Variants in ATP13A5 observed in about 807,000 individuals in gnomAD.
The protein encoded by ATP13A5 is probable cation-transporting ATPase 13A5.
ATP13A5 carries 149 observed loss-of-function variants against 150.2 expected under a neutral mutation model. The observed-to-expected ratio is 0.99, with a 90% CI of 0.87 to 1.14. ATP13A5 has a LOEUF of 1.14. ATP13A5 is among the 50% of genes most tolerant of loss of function. The probability of loss-of-function intolerance (pLI) is 0.00; values close to 1 mark genes in which losing one functional copy is unlikely to be tolerated. For missense variants in ATP13A5, 1,383 were observed against 1,449.3 expected (o/e 0.95, Z 0.74); for synonymous variants, 497 against 522.2 (o/e 0.95, Z 0.66).
intron 23 of ATP13A5, 93 bp downstream of exon 23, chr3:193,305,466 C>A: frequency 1.0e-6 from 1 of 1,000,766 alleles, no homozygotes. Flanking sequence ...TCTGTTGCAG[C>A]ATTTATCACT....
chr3:193,275,839 T>C (rs1717172741), intron 29 of ATP13A5, among the ~76,000 whole-genome samples: 1 of 152,340 alleles, frequency 6.6e-6, no homozygotes, highest in Middle Eastern at 3.4e-3. Flanking sequence ...CTAAACTTTC[T>C]GTGGTAAACA....
chr3:193,373,662 C>A lies in ATP13A5; in HGVS notation c.63+5001G>T, dbSNP rs889065150. Among the ~76,000 whole-genome samples, 33 of 152,110 alleles carry A rather than the reference C, an allele frequency of 2.2e-4. 1 individual carries two copies. ...AATGAACCACTTATTTTTCATAGCC[C>A]TTTCCATATCTCGCATGTGGCCCTC... On this transcript the variant is annotated intron_variant, in intron 1 of 29. Transcript: ENST00000342358.
chr3:193,315,927 C>T (rs1290786662), intron 17 of ATP13A5, among the ~76,000 whole-genome samples: 1 of 151,924 alleles, frequency 6.6e-6, no homozygotes, highest in Admixed American at 6.6e-5. Flanking sequence ...ATAACTGAAA[C>T]TTTATATCCA....
intron 1 of ATP13A5, among the ~76,000 whole-genome samples, chr3:193,369,618 A>G (rs34494092): frequency 0.96 from 146,198 of 152,114 alleles, 70,283 homozygotes; most frequent in African/African-American, 0.98. Flanking sequence ...AGAGCCAGGA[A>G]CATGTTTGTA....
chr3:193,366,421 CAGT>C (rs1406188876), intron 1 of ATP13A5, among the ~76,000 whole-genome samples: 1 of 151,816 alleles, frequency 6.6e-6, no homozygotes, highest in Non-Finnish European at 1.5e-5. Context: ...ACTGGGCAAA[CAGT>C]GGAAGAAAGC....
At position 193,321,648 on chromosome 3, in the gene ATP13A5, A is replaced by G. The variant is rs1162112803; in HGVS notation, c.1915+33T>C. The G allele has an allele frequency of 2.5e-6, 4 of 1,608,862 alleles. No homozygotes were observed. In the African/African-American group the frequency reaches 5.4e-5, roughly 22 times the overall value. The stretch of plus-strand genomic sequence containing the variant: ...TCTGTCTCAAAGAAAAAACAAAAGT[A>G]TTTTACTTCTTGAAAGAGAAAAGTG... On this transcript the variant is annotated intron_variant, in intron 16 of 29. Coordinates refer to ENST00000342358, the MANE Select transcript of ATP13A5 (RefSeq NM_198505.4).
At chr3:193,299,936 C>T (rs944775937) in intron 24 of ATP13A5, among the ~76,000 whole-genome samples, 7 of 152,142 alleles carry the variant, frequency 4.6e-5, no homozygotes, top group Admixed American at 4.6e-4. Flanking sequence ...GAAAGTATTG[C>T]TGGCTTCTCA....
intron 7 of ATP13A5, among the ~76,000 whole-genome samples, chr3:193,348,669 T>C (rs1712446489): frequency 6.6e-6 from 1 of 152,168 alleles, no homozygotes; most frequent in Non-Finnish European, 1.5e-5. Context: ...ACACTTACTC[T>C]CTTACAATTT....
intron 16 of ATP13A5, among the ~76,000 whole-genome samples, chr3:193,320,352 G>T (rs142868098): frequency 7.8e-4 from 119 of 152,272 alleles, no homozygotes; most frequent in African/African-American, 2.8e-3. Context: ...CTAAAAATGG[G>T]GTACGGTGGT....
At chr3:193,288,184 G>C (rs1717796111) in intron 26 of ATP13A5, among the ~76,000 whole-genome samples, 1 of 152,138 alleles carries the variant, frequency 6.6e-6, no homozygotes, top group East Asian at 1.9e-4. Flanking sequence ...TTGTTGAAAT[G>C]AAAACAAAGT....
chr3:193,313,094 G>A (rs1160428758), intron 19 of ATP13A5: 1 of 152,210 alleles, frequency 6.6e-6, no homozygotes, highest in Non-Finnish European at 1.5e-5. Context: ...GTGAAATTCA[G>A]GCAGCATGCA....
chr3:193,280,795 T>C lies in ATP13A5; in HGVS notation c.3227-1341A>G, dbSNP rs763658058. Among the ~76,000 whole-genome samples the C allele has an allele frequency of 8.7e-4, 133 of 152,182 alleles. 1 individual carries two copies. The highest frequency in any genetic ancestry group is 1.6e-4 in the Non-Finnish European group (11 of 68,032). On this transcript the variant is annotated intron_variant, in intron 27 of 29. Transcript: ENST00000342358. The stretch of plus-strand genomic sequence containing the variant: ...ATCAGCATTGCCATGATACAAATGA[T>C]TCTGACAATCCTATAAAGTTATAAA...
At chr3:193,358,291 A>T (rs1422233898) in intron 5 of ATP13A5, among the ~76,000 whole-genome samples, 2 of 152,168 alleles carry the variant, frequency 1.3e-5, no homozygotes, top group Non-Finnish European at 2.9e-5. Context: ...GAAAGTTCCC[A>T]TGTGATTCTG....
chr3:193,285,544 G>A (rs1367349179), intron 26 of ATP13A5, among the ~76,000 whole-genome samples: 1 of 152,096 alleles, frequency 6.6e-6, no homozygotes, highest in African/African-American at 2.4e-5. Context: ...GAACATGACA[G>A]TCTGCTGCTT....
chr3:193,348,106 G>A (rs964612949), intron 7 of ATP13A5, among the ~76,000 whole-genome samples: 10 of 152,078 alleles, frequency 6.6e-5, no homozygotes, highest in South Asian at 2.1e-4. Context: ...GAGTTAATGC[G>A]CTCAGAAAAT....
chr3:193,333,726 A>G, intron 11 of ATP13A5, 24 bp downstream of exon 11: 1 of 1,605,682 alleles, frequency 6.2e-7, no homozygotes, highest in Non-Finnish European at 8.5e-7. Context: ...TATACTATTG[A>G]AAAGCCTTAC....
intron 24 of ATP13A5, among the ~76,000 whole-genome samples, chr3:193,300,493 C>T (rs1165892484): frequency 6.6e-6 from 1 of 152,116 alleles, no homozygotes; most frequent in East Asian, 1.9e-4. Flanking sequence ...ATGGTATAAT[C>T]TTGTGGCCCT....
chr3:193,354,082 G>A (rs1483462575), intron 6 of ATP13A5, 45 bp downstream of exon 6: 1 of 1,498,072 alleles, frequency 6.7e-7, no homozygotes, highest in Non-Finnish European at 9.1e-7. Flanking sequence ...GAAGTAAGGG[G>A]CAGAAATCTA....
At chr3:193,348,267 A>G (rs1712426419) in intron 7 of ATP13A5, among the ~76,000 whole-genome samples, 1 of 152,150 alleles carries the variant, frequency 6.6e-6, no homozygotes. Flanking sequence ...TCAGTTTCCA[A>G]GATGAATTTG....
Sources: gnomAD v4.1 joint callset for allele counts (sites outside exome capture counted in the v4.1 genomes callset) on GRCh38, gnomAD v4.1.1 for gene constraint, MANE v1.5 for transcripts, NCBI Gene and HGNC (gene_info 2026-07-23, HGNC 2026-07-21) for gene names.